The following GARRE1 variants were observed in gnomAD, a reference collection of about 807,000 sequenced individuals.
GARRE1 encodes granule associated Rac and RHOG effector 1, also known as granule associated Rac and RHOG effector protein 1.
Under a neutral mutation model 103.2 loss-of-function variants are expected in GARRE1, and 49 were observed. The ratio of observed to expected loss-of-function variants is 0.47; its 90% CI spans 0.38 to 0.60. GARRE1 has a LOEUF of 0.60. Ranked by LOEUF, GARRE1 falls within the 20% of genes least tolerant of loss-of-function variation. The probability of loss-of-function intolerance (pLI) is 0.00; values close to 1 mark genes in which losing one functional copy is unlikely to be tolerated. For missense variants in GARRE1, 1,199 were observed against 1,370.5 expected, an observed-to-expected ratio of 0.87 and a Z score of 1.98; for synonymous variants, 505 against 532.8, an observed-to-expected ratio of 0.95 and a Z score of 0.72.
At chr19:34,286,345 G>A (rs1390234845) in intron 1 of GARRE1, among the ~76,000 whole-genome samples, 4 of 149,526 alleles carry the variant, frequency 2.7e-5, no homozygotes, top group Admixed American at 6.7e-5. Flanking sequence ...TCAGTCTCCC[G>A]AGTAGCTGGG....
At chr19:34,272,569 G>A (rs2073794194) in intron 1 of GARRE1, among the ~76,000 whole-genome samples, 1 of 152,184 alleles carries the variant, frequency 6.6e-6, no homozygotes, top group African/African-American at 2.4e-5. Flanking sequence ...GGGAGGTCTT[G>A]ACTGGAGAGT....
At chr19:34,348,834 T>G (rs545927261) in intron 11 of GARRE1, 182 bp from the exon 12 acceptor site, 1 of 656,864 alleles carries the variant, frequency 1.5e-6, no homozygotes, top group South Asian at 1.9e-5. Context: ...AGGGAATTGA[T>G]GAATATGTAT....
intron 8 of GARRE1, among the ~76,000 whole-genome samples, chr19:34,337,619 A>G (rs2074167296): frequency 1.3e-5 from 2 of 152,198 alleles, no homozygotes; most frequent in South Asian, 4.1e-4. Flanking sequence ...GGGCCCTTGA[A>G]GGAATTGGGT....
intron 2 of GARRE1, among the ~76,000 whole-genome samples, chr19:34,311,604 A>AC: frequency 6.6e-6 from 1 of 151,474 alleles, no homozygotes; most frequent in Middle Eastern, 3.4e-3. Flanking sequence ...AATAAACATA[A>AC]TTTTTTTTTC....
intron 1 of GARRE1, among the ~76,000 whole-genome samples, chr19:34,286,060 A>G (rs1396653409): frequency 6.6e-6 from 1 of 152,088 alleles, no homozygotes; most frequent in Non-Finnish European, 1.5e-5. Context: ...GGCCAGGCAC[A>G]GTGGCACACG....
chr19:34,258,611 C>T (rs1419517674), intron 1 of GARRE1, among the ~76,000 whole-genome samples: 1 of 151,780 alleles, frequency 6.6e-6, no homozygotes, highest in Non-Finnish European at 1.5e-5. Flanking sequence ...GGTGAAACCC[C>T]ATCTCTACTA....
At chr19:34,293,750 C>CTT (rs71165643) in intron 1 of GARRE1, among the ~76,000 whole-genome samples, 1,182 of 47,162 alleles carry the variant, frequency 0.025, 168 homozygotes, top group Non-Finnish European at 0.033. Context: ...ACACATATTT[C>CTT]TTTTTTTTTT....
intron 1 of GARRE1, among the ~76,000 whole-genome samples, chr19:34,276,341 C>T (rs747366269): frequency 6.6e-5 from 10 of 152,156 alleles, no homozygotes; most frequent in Non-Finnish European, 1.3e-4. Flanking sequence ...CTGTGCCCAG[C>T]CCATCCATAT....
intron 2 of GARRE1, among the ~76,000 whole-genome samples, chr19:34,312,675 C>A (rs1463623942): frequency 6.6e-6 from 1 of 152,078 alleles, no homozygotes; most frequent in Non-Finnish European, 1.5e-5. Context: ...GCCTGTAATC[C>A]CAGCACTTTG....
chr19:34,280,270 A>G (rs1487862946), intron 1 of GARRE1, among the ~76,000 whole-genome samples: 1 of 152,204 alleles, frequency 6.6e-6, no homozygotes, highest in Admixed American at 6.5e-5. Context: ...GGGAATTACT[A>G]TTCAACATGA....
At chr19:34,303,518 T>G (rs1268139615) in intron 2 of GARRE1, among the ~76,000 whole-genome samples, 1 of 152,266 alleles carries the variant, frequency 6.6e-6, no homozygotes, top group Non-Finnish European at 1.5e-5. Context: ...AGACACAGCA[T>G]CATTGGTATA....
chr19:34,328,545 A>T (rs1337007931), intron 6 of GARRE1, among the ~76,000 whole-genome samples: 2 of 140,700 alleles, frequency 1.4e-5, no homozygotes, highest in Non-Finnish European at 3.1e-5. Context: ...AAAAAAAAAA[A>T]TTAAAAAGCA....
At chr19:34,348,961 G>A in intron 11 of GARRE1, 55 bp from the exon 12 acceptor site, 18 of 1,597,698 alleles carry the variant, frequency 1.1e-5, no homozygotes, top group Non-Finnish European at 1.5e-5. Context: ...AGGGTGGGGT[G>A]GCGGGTGGTG....
At chr19:34,302,838 G>A (rs947060248) in intron 2 of GARRE1, among the ~76,000 whole-genome samples, 1 of 150,202 alleles carries the variant, frequency 6.7e-6, no homozygotes, top group African/African-American at 2.5e-5. Flanking sequence ...TCTGCCTCCT[G>A]GGTTCTAGCA....
intron 7 of GARRE1, 93 bp downstream of exon 7, chr19:34,330,440 A>G: frequency 7.6e-7 from 1 of 1,312,802 alleles, no homozygotes; most frequent in Non-Finnish European, 1.1e-6. Flanking sequence ...AAAATATTGA[A>G]TAATTTAAAA....
intron 10 of GARRE1, among the ~76,000 whole-genome samples, chr19:34,347,090 A>AT (rs1191719586): frequency 0.036 from 5,006 of 138,000 alleles, 131 homozygotes; most frequent in African/African-American, 0.071. Flanking sequence ...CACCCAACTA[A>AT]TTTTTTTTTT....
chr19:34,301,017 G>A lies in GARRE1; in HGVS notation c.495+49G>A, dbSNP rs370579561. ...TTGTGTAGGAAAATATACTACAAAG[G>A]TAAGTGAGAATATTGTCTTAAGTTT... On this transcript the variant is annotated intron_variant, in intron 2 of 13. Transcript: ENST00000299505. 90 of 1,529,866 alleles carry A rather than the reference G, an allele frequency of 5.9e-5. No individual in the cohort carries two copies. In the African/African-American group the frequency reaches 1.0e-3, roughly 17 times the overall value. 94.8% of individuals were successfully genotyped at this position (1,529,866 alleles called of 1,614,324 possible).
At chr19:34,286,744 G>A (rs1433595816) in intron 1 of GARRE1, among the ~76,000 whole-genome samples, 2 of 151,628 alleles carry the variant, frequency 1.3e-5, no homozygotes, top group African/African-American at 2.4e-5. Flanking sequence ...CTCGTGATCC[G>A]CCCGCCTCGG....
At chr19:34,337,894 A>C (rs1318336649) in intron 8 of GARRE1, among the ~76,000 whole-genome samples, 1 of 152,212 alleles carries the variant, frequency 6.6e-6, no homozygotes, top group African/African-American at 2.4e-5. Flanking sequence ...CTTGGGAACA[A>C]GAGCAAATGT....
Sources: allele counts gnomAD v4.1 joint callset (sites outside exome capture counted in the v4.1 genomes callset), GRCh38; gene constraint gnomAD v4.1.1; transcripts MANE v1.5; gene names NCBI Gene and HGNC (gene_info 2026-07-23, HGNC 2026-07-21).